The following CCDC6 variants were observed in gnomAD, a reference collection of about 807,000 sequenced individuals.
The protein encoded by CCDC6 is coiled-coil domain-containing protein 6.
CCDC6 carries 20 observed loss-of-function variants against 56.6 expected under a neutral mutation model. The ratio of observed to expected loss-of-function variants is 0.35; its 90% CI spans 0.25 to 0.51. CCDC6 has a LOEUF of 0.51. Ranked by LOEUF, CCDC6 falls within the 20% of genes least tolerant of loss-of-function variation. CCDC6 has a pLI of 0.95. For synonymous variants in CCDC6, 241 were observed against 234.4 expected, an observed-to-expected ratio of 1.03 and a Z score of -0.26; for missense variants, 367 against 601.1, an observed-to-expected ratio of 0.61 and a Z score of 4.07.
intron 2 of CCDC6, among the ~76,000 whole-genome samples, chr10:59,834,656 A>G (rs1018500994): frequency 1.3e-5 from 2 of 152,162 alleles, no homozygotes; most frequent in African/African-American, 4.8e-5. Context: ...TTTCCTTCCA[A>G]CTGTTTTTGA....
intron 1 of CCDC6, among the ~76,000 whole-genome samples, chr10:59,864,651 A>G (rs530266343): frequency 6.6e-6 from 1 of 152,290 alleles, no homozygotes; most frequent in Admixed American, 6.5e-5. Context: ...ACAACAATGT[A>G]CTGTCATTAC....
At chr10:59,856,615 C>T (rs1262996514) in intron 1 of CCDC6, among the ~76,000 whole-genome samples, 1 of 152,042 alleles carries the variant, frequency 6.6e-6, no homozygotes, top group African/African-American at 2.4e-5. Context: ...AGCAAGGAGC[C>T]AGGTAGACAG....
rs1268430816 is a variant in CCDC6 at position 59,857,045 on chromosome 10, A to G, written c.304-4343T>C. Among the ~76,000 whole-genome samples the G allele has an allele frequency of 2.0e-5, 3 of 152,178 alleles. No individual in the cohort carries two copies. The East Asian group carries it at 5.8e-4, about 29-fold the overall frequency. On this transcript the variant is annotated intron_variant, in intron 1 of 8. Coordinates refer to ENST00000263102, the MANE Select transcript of CCDC6 (RefSeq NM_005436.5). ...TAGAAATTTGGTATAATCATAATCAATTATTTGTGTAATTTAAAACATTGC... is the reference window on the plus strand; with the variant it reads ...TAGAAATTTGGTATAATCATAATCAGTTATTTGTGTAATTTAAAACATTGC...
chr10:59,826,970 A>G (rs1004976262), intron 3 of CCDC6, among the ~76,000 whole-genome samples: 1 of 152,218 alleles, frequency 6.6e-6, no homozygotes, highest in Non-Finnish European at 1.5e-5. Context: ...GCCCTCCTTC[A>G]TCTTATAGGG....
chr10:59,800,319 T>C (rs1251292055), intron 7 of CCDC6, among the ~76,000 whole-genome samples: 1 of 152,230 alleles, frequency 6.6e-6, no homozygotes, highest in Non-Finnish European at 1.5e-5. Context: ...ATCCTTCTAC[T>C]ACTCTTAACG....
intron 7 of CCDC6, among the ~76,000 whole-genome samples, chr10:59,804,001 A>G (rs978366304): frequency 1.3e-5 from 2 of 152,186 alleles, no homozygotes; most frequent in African/African-American, 4.8e-5. Context: ...TGATGACTAC[A>G]TTAATTATTC....
Position 59,788,756 on chromosome 10 carries a change from C to T in CCDC6, c.*4161G>A, listed in dbSNP as rs2070440982. 5.5e-6 allele frequency: 1 copy of T among 182,502 alleles called. No individual in the cohort carries two copies. The highest frequency in any genetic ancestry group is 1.2e-5 in the Non-Finnish European group (1 of 85,796). 11.3% of individuals were successfully genotyped at this position (182,502 alleles called of 1,614,324 possible). A position where few individuals can be genotyped will look rare whatever the true frequency, so the allele number is the denominator to read the frequency against. ...ATGAAAAAAGATAGGGTTTAAGGCTCAAGAGGTACATTTTAAAAAATTATC... is the reference window on the plus strand; with the variant it reads ...ATGAAAAAAGATAGGGTTTAAGGCTTAAGAGGTACATTTTAAAAAATTATC... On this transcript the variant is annotated 3_prime_UTR_variant, in exon 9 of 9. Coordinates refer to ENST00000263102, the MANE Select transcript of CCDC6 (RefSeq NM_005436.5).
At chr10:59,822,962 C>T (rs568770560) in intron 3 of CCDC6, among the ~76,000 whole-genome samples, 35 of 151,880 alleles carry the variant, frequency 2.3e-4, no homozygotes, top group African/African-American at 6.5e-4. Context: ...TGGAGAGAAG[C>T]GGTTTGACTT....
In CCDC6 at chr10:59,892,311, A is replaced by T. The variant is rs183600337; in HGVS notation, c.303+13811T>A. The stretch of plus-strand genomic sequence containing the variant: ...CTGTAACTGACCTATAGGGAAAAAA[A>T]CCAGATCTTTTAGGAAGTGTGTTTA... On this transcript the variant is annotated intron_variant, in intron 1 of 8. Transcript: ENST00000263102. Among the ~76,000 whole-genome samples the T allele has an allele frequency of 4.6e-5, 7 of 152,314 alleles. No homozygotes were observed. The East Asian group carries it at 1.2e-3, about 25-fold the overall frequency.
intron 1 of CCDC6, among the ~76,000 whole-genome samples, chr10:59,859,213 T>TGC (rs1413785215): frequency 6.9e-6 from 1 of 145,010 alleles, no homozygotes; most frequent in Non-Finnish European, 1.5e-5. Context: ...TGTGTGTGTG[T>TGC]GTGTGTGTGT....
At chr10:59,882,970 AT>A (rs1377599671) in intron 1 of CCDC6, among the ~76,000 whole-genome samples, 2 of 152,096 alleles carry the variant, frequency 1.3e-5, no homozygotes, top group Non-Finnish European at 2.9e-5. Flanking sequence ...AAAAAAAAAA[AT>A]TAGTAAAATT....
chr10:59,794,438 A>C, intron 8 of CCDC6, 35 bp downstream of exon 8: 1 of 1,610,126 alleles, frequency 6.2e-7, no homozygotes, highest in Non-Finnish European at 8.5e-7. Context: ...CACTTTCAGG[A>C]GTAAAGTGCT....
At chr10:59,831,078 A>G (rs1355631204) in intron 3 of CCDC6, among the ~76,000 whole-genome samples, 1 of 152,356 alleles carries the variant, frequency 6.6e-6, no homozygotes, top group African/African-American at 2.4e-5. Context: ...TAACTTGAAC[A>G]GAACTGGAGC....
intron 6 of CCDC6, 112 bp downstream of exon 6, chr10:59,806,810 A>G (rs1459554143): frequency 4.6e-6 from 4 of 871,132 alleles, no homozygotes; most frequent in Non-Finnish European, 3.5e-6. Context: ...AGCACAATAA[A>G]TACATATTTA....
intron 3 of CCDC6, among the ~76,000 whole-genome samples, chr10:59,821,296 A>T (rs1349274420): frequency 6.6e-6 from 1 of 152,186 alleles, no homozygotes; most frequent in African/African-American, 2.4e-5. Flanking sequence ...AATAGCTAAG[A>T]GCAATCCACA....
chr10:59,806,671 ACCC>A, intron 6 of CCDC6: 1 of 427,862 alleles, frequency 2.3e-6, no homozygotes, highest in Non-Finnish European at 4.2e-6. Context: ...CTCTAATATA[ACCC>A]TGTCTCCATT....
chr10:59,831,344 G>A (rs1791321138), intron 3 of CCDC6, among the ~76,000 whole-genome samples: 1 of 152,132 alleles, frequency 6.6e-6, no homozygotes, highest in African/African-American at 2.4e-5. Context: ...CTTTGCTACA[G>A]GTAAAAACAA....
chr10:59,866,569 G>C (rs2071179040), intron 1 of CCDC6, among the ~76,000 whole-genome samples: 1 of 152,156 alleles, frequency 6.6e-6, no homozygotes, highest in Admixed American at 6.5e-5. Flanking sequence ...AACATGGCAG[G>C]CTCTTCCATA....
At chr10:59,803,820 C>T (rs1320339320) in intron 7 of CCDC6, among the ~76,000 whole-genome samples, 1 of 152,208 alleles carries the variant, frequency 6.6e-6, no homozygotes, top group African/African-American at 2.4e-5. Flanking sequence ...CTGCAGCCTG[C>T]CTGCTAGGGC....
Sources: gnomAD v4.1 joint callset for allele counts (sites outside exome capture counted in the v4.1 genomes callset) on GRCh38, gnomAD v4.1.1 for gene constraint, MANE v1.5 for transcripts, NCBI Gene and HGNC (gene_info 2026-07-23, HGNC 2026-07-21) for gene names.